Variants in RIMS1 observed in about 807,000 individuals in gnomAD.
RIMS1 encodes the protein regulating synaptic membrane exocytosis protein 1.
A neutral mutation model predicts 214.1 loss-of-function variants in RIMS1; 83 were observed. That is an observed-to-expected ratio of 0.39 (90% CI 0.32 to 0.47). RIMS1 has a LOEUF of 0.47. Among genes scored for constraint, RIMS1 ranks in the 20% least tolerant of loss-of-function variants. The probability of loss-of-function intolerance (pLI) is 0.99; values close to 1 mark genes in which losing one functional copy is unlikely to be tolerated. For missense variants in RIMS1, 2,050 were observed against 2,161.8 expected, an observed-to-expected ratio of 0.95 and a Z score of 1.03; for synonymous variants, 793 against 786.8, an observed-to-expected ratio of 1.01 and a Z score of -0.13.
intron 2 of RIMS1, among the ~76,000 whole-genome samples, chr6:71,991,582 A>G (rs1344424256): frequency 6.6e-6 from 1 of 152,208 alleles, no homozygotes; most frequent in Non-Finnish European, 1.5e-5. Context: ...TGCTCTAAGG[A>G]TATTCTATTT....
chr6:72,246,439 T>C (rs1458364481), intron 11 of RIMS1, among the ~76,000 whole-genome samples: 1 of 152,178 alleles, frequency 6.6e-6, no homozygotes, highest in Non-Finnish European at 1.5e-5. Flanking sequence ...CAATAAAATA[T>C]AGACAATTAA....
At chr6:71,968,880 A>C in intron 1 of RIMS1, 103 bp from the exon 2 acceptor site, 1 of 1,199,346 alleles carries the variant, frequency 8.3e-7, no homozygotes, top group East Asian at 2.4e-5. Flanking sequence ...GGGCTTTCAA[A>C]GACTTTCCCT....
At chr6:71,942,720 A>G (rs1008707288) in intron 1 of RIMS1, among the ~76,000 whole-genome samples, 1 of 152,018 alleles carries the variant, frequency 6.6e-6, no homozygotes, top group Non-Finnish European at 1.5e-5. Context: ...GTGACAAAAA[A>G]ATTAGCTTTG....
chr6:71,930,076 A>T (rs1782605596), intron 1 of RIMS1, among the ~76,000 whole-genome samples: 1 of 152,082 alleles, frequency 6.6e-6, no homozygotes, highest in Non-Finnish European at 1.5e-5. Flanking sequence ...TAAGGGTGTG[A>T]ATACATGAAA....
At chr6:72,240,630 C>CTTTTTTTTTT (rs11344285) in intron 9 of RIMS1, among the ~76,000 whole-genome samples, 4 of 82,504 alleles carry the variant, frequency 4.8e-5, no homozygotes, top group Non-Finnish European at 6.8e-5. Context: ...TTTCTTTTTT[C>CTTTTTTTTTT]TTTTTTTTTT....
At chr6:72,253,650 G>A (rs534568737) in intron 16 of RIMS1, among the ~76,000 whole-genome samples, 33 of 152,100 alleles carry the variant, frequency 2.2e-4, no homozygotes, top group African/African-American at 7.7e-4. Context: ...ATATATATAT[G>A]CCCTTGATAT....
Position 72,173,503 on chromosome 6 carries a change from G to T in RIMS1, c.472-6072G>T, listed in dbSNP as rs559338886. Among the ~76,000 whole-genome samples, 3 of 151,202 alleles carry T rather than the reference G, an allele frequency of 2.0e-5. No individual in the cohort carries two copies. The South Asian group carries it at 6.4e-4, about 32-fold the overall frequency. ...TTATCTCTCTAACATTTTATCTCAT[G>T]TGTTTTCTTATCTCTTGTTTTTTCA... is the stretch of plus-strand genomic sequence containing the variant. On this transcript the variant is annotated intron_variant, in intron 4 of 33. Transcript: ENST00000521978.
intron 29 of RIMS1, among the ~76,000 whole-genome samples, chr6:72,363,420 A>T (rs911659044): frequency 6.6e-6 from 1 of 152,162 alleles, no homozygotes; most frequent in Non-Finnish European, 1.5e-5. Context: ...TTGAGCAAAG[A>T]TAGTGCATAA....
intron 29 of RIMS1, among the ~76,000 whole-genome samples, chr6:72,348,157 T>C (rs896982793): frequency 6.6e-6 from 1 of 151,924 alleles, no homozygotes; most frequent in African/African-American, 2.4e-5. Flanking sequence ...TGGTTTGTTA[T>C]TCTTAGGAAA....
chr6:71,956,501 A>C (rs537000180), intron 1 of RIMS1, among the ~76,000 whole-genome samples: 1 of 152,206 alleles, frequency 6.6e-6, no homozygotes, highest in Non-Finnish European at 1.5e-5. Flanking sequence ...TTGTAATATA[A>C]GAGGAATATC....
At chr6:72,261,427 C>T in intron 19 of RIMS1, 10 of 985,404 alleles carry the variant, frequency 1.0e-5, no homozygotes, top group Non-Finnish European at 1.2e-5. Context: ...ATTTTTGCTT[C>T]TAAATTGGAG....
intron 2 of RIMS1, among the ~76,000 whole-genome samples, chr6:72,032,957 T>C (rs1464571543): frequency 2.0e-5 from 3 of 151,984 alleles, no homozygotes; most frequent in Non-Finnish European, 2.9e-5. Context: ...AAAGAAGAAA[T>C]AACTAGCCAG....
chr6:72,179,145 G>C (rs1300950225), intron 4 of RIMS1, among the ~76,000 whole-genome samples: 2 of 152,144 alleles, frequency 1.3e-5, no homozygotes, highest in East Asian at 1.9e-4. Context: ...AAAAATACTT[G>C]CAAGTACTGA....
rs144897191 is a variant in RIMS1, at chr6:71,909,245, C to T, written c.164+22058C>T. On this transcript the variant is annotated intron_variant, in intron 1 of 33. Transcript: ENST00000521978. ...CTCTTGACCTCAAGTAATCCACCTG[C>T]CTCGGCCTTCCAAAGTGCCGGGAAG... is the stretch of plus-strand genomic sequence containing the variant. Among the ~76,000 whole-genome samples the T allele has an allele frequency of 1.3e-3, 194 of 152,304 alleles. 2 individuals are homozygous for T. The highest frequency in any genetic ancestry group is 4.0e-3 in the Admixed American group (61 of 15,286).
At chr6:72,076,229 C>T (rs991725598) in intron 2 of RIMS1, among the ~76,000 whole-genome samples, 1 of 152,150 alleles carries the variant, frequency 6.6e-6, no homozygotes, top group African/African-American at 2.4e-5. Flanking sequence ...ATATTATTAT[C>T]CCCATTTTAC....
chr6:72,133,889 C>T (rs2040852212), intron 4 of RIMS1, among the ~76,000 whole-genome samples: 1 of 152,122 alleles, frequency 6.6e-6, no homozygotes, highest in Non-Finnish European at 1.5e-5. Flanking sequence ...TGTTAGGCAG[C>T]TGAGGACTCA....
At chr6:72,007,001 G>T (rs1807973634) in intron 2 of RIMS1, among the ~76,000 whole-genome samples, 1 of 152,210 alleles carries the variant, frequency 6.6e-6, no homozygotes, top group South Asian at 2.1e-4. Flanking sequence ...CGCAGCTGGA[G>T]ATCTGAGAAC....
In RIMS1 at chr6:72,157,582, A is replaced by G. The variant is rs1227967492; in HGVS notation, c.472-21993A>G. 1.4e-5 allele frequency among the ~76,000 whole-genome samples: 2 copies of G among 139,906 alleles called. 1 individual carries two copies. Among genetic ancestry groups the G allele is most frequent in the Non-Finnish European group, 3.2e-5 (2 of 61,578 alleles). 91.8% of individuals were successfully genotyped at this position (139,906 alleles called of 152,430 possible). A position where few individuals can be genotyped will look rare whatever the true frequency, so the allele number is the denominator to read the frequency against. On this transcript the variant is annotated intron_variant, in intron 4 of 33. Coordinates refer to ENST00000521978, the MANE Select transcript of RIMS1 (RefSeq NM_014989.7). Reference sequence around the variant, plus strand: ...GTCTACTTTGTGTGATGGCTGTACTATCGTTATTATAACCATACTGGTTTT... The same window carrying G: ...GTCTACTTTGTGTGATGGCTGTACTGTCGTTATTATAACCATACTGGTTTT...
intron 26 of RIMS1, among the ~76,000 whole-genome samples, chr6:72,293,536 T>C (rs1307705779): frequency 6.6e-6 from 1 of 151,952 alleles, no homozygotes; most frequent in Admixed American, 6.6e-5. Context: ...AGTTACAAAC[T>C]CGGTCTTACC....
Sources: gnomAD v4.1 joint callset for allele counts (sites outside exome capture counted in the v4.1 genomes callset) on GRCh38, gnomAD v4.1.1 for gene constraint, MANE v1.5 for transcripts, NCBI Gene and HGNC (gene_info 2026-07-23, HGNC 2026-07-21) for gene names.